Variants in TIE1 observed in about 807,000 individuals in gnomAD.
The protein encoded by TIE1 is tyrosine-protein kinase receptor Tie-1.
A neutral mutation model predicts 130.5 loss-of-function variants in TIE1; 89 were observed. That is an observed-to-expected ratio of 0.68 (90% CI 0.57 to 0.81). The LOEUF (loss-of-function observed/expected upper bound fraction) is 0.81, where lower values mean the gene tolerates loss of function less well. TIE1 is among the 40% of genes least tolerant of loss of function. The probability of loss-of-function intolerance (pLI) is 0.00; values close to 1 mark genes in which losing one functional copy is unlikely to be tolerated. For missense variants in TIE1, 1,392 were observed against 1,559.8 expected, an observed-to-expected ratio of 0.89 and a Z score of 1.81; for synonymous variants, 568 against 629.4, an observed-to-expected ratio of 0.90 and a Z score of 1.46.
In TIE1 at chr1:43,309,400, A is replaced by G; in HGVS notation, c.1201A>G (p.Ile401Val). 6.3e-7 allele frequency: 1 copy of G among 1,598,818 alleles called. No homozygotes were observed. Among genetic ancestry groups the G allele is most frequent in the South Asian group, 1.1e-5 (1 of 88,002 alleles). ...CCATCTCTTTTAGTCCACCAAGGCC[A>G]TTGTGGAGCCAGAGAAGACCACAGC... ...DGTVLLSTKA[I>V]VEPEKTTAEF... Residue 401 changes from isoleucine (I) to valine (V), a missense_variant, in exon 9 of 23, where the codon ATT becomes GTT. By Grantham distance (29) the Ile-to-Val change is conservative. Coordinates refer to ENST00000372476, the MANE Select transcript of TIE1 (RefSeq NM_005424.5). This position sits in a 1 kb window ranked among gnomAD's most constrained non-coding sequence, Gnocchi z 6.3.
At chr1:43,303,895 G>A (rs1248801678) in intron 1 of TIE1, among the ~76,000 whole-genome samples, 1 of 152,120 alleles carries the variant, frequency 6.6e-6, no homozygotes, top group Non-Finnish European at 1.5e-5. Flanking sequence ...GCTGGAGCAG[G>A]GGTCCCTTCT....
In TIE1 at chr1:43,319,150, AC is replaced by A; in HGVS notation, c.2923-82del. 2.1e-6 allele frequency: 2 copies of A among 930,584 alleles called. No homozygotes were observed. The highest frequency in any genetic ancestry group is 3.6e-6 in the Non-Finnish European group (2 of 562,472). The allele number at this position is 930,584 out of a possible 1,614,324, so 57.6% of individuals were successfully genotyped here. ...ATGGGGTATTGAAGGTAACAAGGGT[AC>A]CCACGAAGACTGACTCCTTACTGGC... On this transcript the variant is annotated intron_variant, in intron 17 of 22. Coordinates refer to ENST00000372476, the MANE Select transcript of TIE1 (RefSeq NM_005424.5). This position sits in a 1 kb window ranked among gnomAD's most constrained non-coding sequence, Gnocchi z 4.7.
At chr1:43,302,858 G>A (rs996278378) in intron 1 of TIE1, among the ~76,000 whole-genome samples, 3 of 152,084 alleles carry the variant, frequency 2.0e-5, no homozygotes, top group Non-Finnish European at 4.4e-5. Context: ...GGCAGGCTGG[G>A]GGGGTGGGGA....
Position 43,307,671 on chromosome 1 carries a change from CT to C in TIE1, c.913+100del. ...CCTCTGACTTACGCAGCAAGCCCTC[CT>C]GCTCACTTGACCAGTCCTTCTATCC... is the stretch of plus-strand genomic sequence containing the variant. On this transcript the variant is annotated intron_variant, in intron 6 of 22. Coordinates refer to ENST00000372476, the MANE Select transcript of TIE1 (RefSeq NM_005424.5). This position sits in a 1 kb window ranked among gnomAD's most constrained non-coding sequence, Gnocchi z 5.4. The C allele has an allele frequency of 6.2e-7, 1 of 1,602,460 alleles. No individual in the cohort carries two copies. The highest frequency in any genetic ancestry group is 1.1e-5 in the South Asian group (1 of 89,700).
chr1:43,312,490 C>T lies in TIE1; in HGVS notation c.1816C>T (p.Leu606Phe), dbSNP rs745959726. 6 of 1,612,816 alleles carry T rather than the reference C, an allele frequency of 3.7e-6. No homozygotes were observed. The Admixed American group carries it at 1.0e-4, about 27-fold the overall frequency. ...CTCATCCCCCCAGGCCCGCACTGCCCTCCTGACGGGACTCACGCCTGGCAC... is the reference window on the plus strand; with the variant it reads ...CTCATCCCCCCAGGCCCGCACTGCCTTCCTGACGGGACTCACGCCTGGCAC... ...NVSSPQARTA[L>F]LTGLTPGTHY... Residue 606 changes from leucine (L) to phenylalanine (F), a missense_variant, in exon 12 of 23, where the codon CTC becomes TTC. By Grantham distance (22) the Leu-to-Phe change is conservative. This residue lies in a region of TIE1 where 551 missense variants were observed against 565.5 expected (regional missense o/e 0.97). Coordinates refer to ENST00000372476, the MANE Select transcript of TIE1 (RefSeq NM_005424.5). This position sits in a 1 kb window ranked among gnomAD's most constrained non-coding sequence, Gnocchi z 5.6.
At position 43,322,982 on chromosome 1, in the gene TIE1, C is replaced by T; in HGVS notation, c.*260C>T. ...AGGTGTGTTTCCCATCCCACTGCTCCCCCAACACAAACCCCCACTCCAGCT... is the reference window on the plus strand; with the variant it reads ...AGGTGTGTTTCCCATCCCACTGCTCTCCCAACACAAACCCCCACTCCAGCT... On this transcript the variant is annotated 3_prime_UTR_variant, in exon 23 of 23. Coordinates refer to ENST00000372476, the MANE Select transcript of TIE1 (RefSeq NM_005424.5). The surrounding 1 kb of genome is among the most constrained non-coding windows in gnomAD (Gnocchi z 4.0). 2.0e-6 allele frequency: 1 copy of T among 495,374 alleles called. No individual in the cohort carries two copies. The highest frequency in any genetic ancestry group is 3.4e-5 in the East Asian group (1 of 29,264). The allele number at this position is 495,374 out of a possible 1,614,324, so 30.7% of individuals were successfully genotyped here.
chr1:43,312,714 C>A lies in TIE1; in HGVS notation c.1927+113C>A. On this transcript the variant is annotated intron_variant, in intron 12 of 22. Coordinates refer to ENST00000372476, the MANE Select transcript of TIE1 (RefSeq NM_005424.5). This position sits in a 1 kb window ranked among gnomAD's most constrained non-coding sequence, Gnocchi z 5.6. ...AGGAGATTAATGGACATGGAGAGGACACAGGACACACATAGGGTATTAGGC... is the reference window on the plus strand; with the variant it reads ...AGGAGATTAATGGACATGGAGAGGAAACAGGACACACATAGGGTATTAGGC... 8.1e-7 allele frequency: 1 copy of A among 1,228,002 alleles called. No homozygotes were observed. Among genetic ancestry groups the A allele is most frequent in the Non-Finnish European group, 1.1e-6 (1 of 895,986 alleles). 76.1% of individuals were successfully genotyped at this position (1,228,002 alleles called of 1,614,324 possible). A position where few individuals can be genotyped will look rare whatever the true frequency, so the allele number is the denominator to read the frequency against.
At position 43,304,964 on chromosome 1, in the gene TIE1, G is replaced by A. The variant is rs1343305794; in HGVS notation, c.172G>A (p.Gly58Ser). 23 of 1,463,102 alleles carry A rather than the reference G, an allele frequency of 1.6e-5. No individual in the cohort carries two copies. Among genetic ancestry groups the A allele is most frequent in the Non-Finnish European group, 2.1e-5 (23 of 1,110,352 alleles). The allele number at this position is 1,463,102 out of a possible 1,614,324, so 90.6% of individuals were successfully genotyped here. Residue 58 changes from glycine to serine, a missense_variant, in exon 2 of 23, where the codon GGC (glycine) becomes AGC (serine). Gly to Ser is a moderately conservative substitution (Grantham distance 56). Around this residue, in one of 6 missense-constraint regions of TIE1, gnomAD observed 415 missense variants for 424.8 expected, o/e 0.98. Transcript: ENST00000372476. ...GGCGGGGAGGGGCTCGGACGCCTGG[G>A]GCCCGCCCCTGCTGCTGGAGAAGGA... is the stretch of plus-strand genomic sequence containing the variant. ...AGAGRGSDAW[G>S]PPLLLEKDDR...
At position 43,322,795 on chromosome 1, in the gene TIE1, C is replaced by A; in HGVS notation, c.*73C>A. 4 of 1,431,022 alleles carry A rather than the reference C, an allele frequency of 2.8e-6. No homozygotes were observed. The South Asian group carries it at 4.7e-5, about 17-fold the overall frequency. 88.6% of individuals were successfully genotyped at this position (1,431,022 alleles called of 1,614,324 possible). The stretch of plus-strand genomic sequence containing the variant: ...CTGTCTAACCTGTGACCAGTCTGAC[C>A]CTTACAGCCTCTGACTTAAGCTGCC... On this transcript the variant is annotated 3_prime_UTR_variant, in exon 23 of 23. Transcript: ENST00000372476. This position sits in a 1 kb window ranked among gnomAD's most constrained non-coding sequence, Gnocchi z 4.0.
chr1:43,311,912 G>T (rs998520815), intron 10 of TIE1, 82 bp from the exon 11 acceptor site: 3 of 1,569,900 alleles, frequency 1.9e-6, no homozygotes, highest in South Asian at 2.4e-5. Context: ...GAGGGCAAAT[G>T]GTGCGAGGGG....
At position 43,306,697 on chromosome 1, in the gene TIE1, TG is replaced by T; in HGVS notation, c.485-140del. ...GAGGGCACTTCTGAGCTTTCTGGCG[TG>T]GGCATAGGCTCTCGTGGTGCCGGCC... On this transcript the variant is annotated intron_variant, in intron 3 of 22. Coordinates refer to ENST00000372476, the MANE Select transcript of TIE1 (RefSeq NM_005424.5). The surrounding 1 kb of genome is among the most constrained non-coding windows in gnomAD (Gnocchi z 4.9). The T allele has an allele frequency of 9.4e-7, 1 of 1,062,646 alleles. No homozygotes were observed. The highest frequency in any genetic ancestry group is 1.4e-6 in the Non-Finnish European group (1 of 738,538). The allele number at this position is 1,062,646 out of a possible 1,614,324, so 65.8% of individuals were successfully genotyped here. A position where few individuals can be genotyped will look rare whatever the true frequency, so the allele number is the denominator to read the frequency against.
chr1:43,309,132 G>T lies in TIE1; in HGVS notation c.1188+1G>T. 6.3e-7 allele frequency: 1 copy of T among 1,587,360 alleles called. No homozygotes were observed. The highest frequency in any genetic ancestry group is 1.3e-5 in the African/African-American group (1 of 74,608). On this transcript the variant is annotated splice_donor_variant, in intron 8 of 22. Coordinates refer to ENST00000372476, the MANE Select transcript of TIE1 (RefSeq NM_005424.5). LOFTEE classifies it high-confidence loss of function. This position sits in a 1 kb window ranked among gnomAD's most constrained non-coding sequence, Gnocchi z 6.3. ...CAAGCCAGACGGCACTGTGCTCCTG[G>T]TCAGCCCCCAATCACCCCAACCCAC... is the stretch of plus-strand genomic sequence containing the variant.
Position 43,313,144 on chromosome 1 carries a change from C to T in TIE1, c.1937C>T (p.Ala646Val), listed in dbSNP as rs1248511652. The T allele has an allele frequency of 5.6e-6, 9 of 1,601,450 alleles. No individual in the cohort carries two copies. The highest frequency in any genetic ancestry group is 1.3e-5 in the African/African-American group (1 of 74,612). ...HVLLPPSGPP[A>V]PRHLHAQALS... ...CCCACCATCTCCCCAGGGCCTCCAG[C>T]CCCCCGACACCTCCACGCCCAGGCC... The change falls in exon 13 of 23, where the codon GCC becomes GTC. Residue 646 changes from alanine to valine, a missense_variant. Coordinates refer to ENST00000372476, the MANE Select transcript of TIE1 (RefSeq NM_005424.5). The surrounding 1 kb of genome is among the most constrained non-coding windows in gnomAD (Gnocchi z 6.2).
intron 22 of TIE1, 40 bp downstream of exon 22, chr1:43,321,755 G>C: frequency 2.0e-6 from 3 of 1,532,550 alleles, no homozygotes; most frequent in Non-Finnish European, 2.7e-6. Flanking sequence ...TGGGCTCACA[G>C]AGTGCTCCAG....
intron 1 of TIE1, chr1:43,302,386 C>G (rs1437780285): frequency 6.6e-6 from 1 of 152,254 alleles, no homozygotes; most frequent in East Asian, 1.9e-4. Flanking sequence ...CCGATTAGAA[C>G]ACAGAGGCTG....
At chr1:43,311,436 G>T (rs1646789489) in intron 9 of TIE1, among the ~76,000 whole-genome samples, 1 of 151,952 alleles carries the variant, frequency 6.6e-6, no homozygotes, top group Non-Finnish European at 1.5e-5. Context: ...ACCATGTCTG[G>T]CCATGTCACT....
At position 43,313,104 on chromosome 1, in the gene TIE1, T is replaced by C; in HGVS notation, c.1928-31T>C. The C allele has an allele frequency of 6.3e-7, 1 of 1,581,112 alleles. No individual in the cohort carries two copies. Among genetic ancestry groups the C allele is most frequent in the South Asian group, 1.2e-5 (1 of 84,192 alleles). On this transcript the variant is annotated intron_variant, in intron 12 of 22. Coordinates refer to ENST00000372476, the MANE Select transcript of TIE1 (RefSeq NM_005424.5). The surrounding 1 kb of genome is among the most constrained non-coding windows in gnomAD (Gnocchi z 6.2). ...CACAGCTACATAGCCCGGTCCTATCTGAGCCTTGCCTTCCCCCACCATCTC... is the reference window on the plus strand; with the variant it reads ...CACAGCTACATAGCCCGGTCCTATCCGAGCCTTGCCTTCCCCCACCATCTC...
In TIE1 at chr1:43,319,213, T is replaced by C. The variant is rs746046746; in HGVS notation, c.2923-22T>C. 1.3e-6 allele frequency: 2 copies of C among 1,598,416 alleles called. No homozygotes were observed. Among genetic ancestry groups the C allele is most frequent in the Admixed American group, 1.7e-5 (1 of 59,998 alleles). Reference sequence around the variant, plus strand: ...GGGCTCCCTCATCCCCAGTCTCTCCTGACTTCTGACCCTGCCTACAGTTCA... The same window carrying C: ...GGGCTCCCTCATCCCCAGTCTCTCCCGACTTCTGACCCTGCCTACAGTTCA... On this transcript the variant is annotated intron_variant, in intron 17 of 22. Coordinates refer to ENST00000372476, the MANE Select transcript of TIE1 (RefSeq NM_005424.5). This position sits in a 1 kb window ranked among gnomAD's most constrained non-coding sequence, Gnocchi z 4.7.
Position 43,317,570 on chromosome 1 carries a change from C to T in TIE1, c.2627C>T (p.Ala876Val). The part of the protein sequence containing the change: ...NAAIKMLKEY[A>V]SENDHRDFAG... ...TATTGGATTCTTTACACAGAGTATG[C>T]CTCTGAAAATGACCATCGTGACTTT... Residue 876 changes from alanine to valine, a missense_variant, in exon 16 of 23, where the codon GCC becomes GTC. Transcript: ENST00000372476. The surrounding 1 kb of genome is among the most constrained non-coding windows in gnomAD (Gnocchi z 5.1). 6.2e-6 allele frequency: 10 copies of T among 1,608,734 alleles called. No individual in the cohort carries two copies. The highest frequency in any genetic ancestry group is 8.5e-6 in the Non-Finnish European group (10 of 1,176,466).
Sources: allele counts gnomAD v4.1 joint callset (sites outside exome capture counted in the v4.1 genomes callset), GRCh38; gene constraint gnomAD v4.1.1; regional missense constraint gnomAD v4.1.1; non-coding constraint Gnocchi (gnomAD v3.1); transcripts MANE v1.5; gene names NCBI Gene and HGNC (gene_info 2026-07-23, HGNC 2026-07-21).